The following RYR2 variants were observed in gnomAD, a reference collection of about 807,000 sequenced individuals.
RYR2 encodes cardiac muscle ryanodine receptor-calcium release channel.
In RYR2, 227 loss-of-function variants were observed where a neutral mutation model predicts 601.1. The observed-to-expected ratio is 0.38, with a 90% confidence interval of 0.34 to 0.42. RYR2 has a LOEUF of 0.42. RYR2 is among the 10% of genes least tolerant of loss of function. RYR2 has a pLI of 1.00. For synonymous variants in RYR2, 2,223 were observed against 2,175.1 expected (o/e 1.02, Z -0.61); for missense variants, 4,646 against 6,156.5 (o/e 0.75, Z 8.21).
chr1:237,656,805 T>C (rs1683290116), intron 53 of RYR2, among the ~76,000 whole-genome samples: 2 of 152,220 alleles, frequency 1.3e-5, no homozygotes, highest in Admixed American at 6.5e-5. Flanking sequence ...CTGAGTGGTA[T>C]GCCATTAGTT....
At position 237,711,756 on chromosome 1, in the gene RYR2, A is replaced by G. The variant is rs1472783968; in HGVS notation, c.10242A>G (p.Arg3414=). Residue 3414 remains arginine (R), a synonymous_variant, in exon 71 of 105, where the codon AGA becomes AGG. Coordinates refer to ENST00000366574, the MANE Select transcript of RYR2 (RefSeq NM_001035.3). ...IYWSKSHNFK[R]EEQNFVVQNE... is the part of the protein sequence containing the mutation. ...TTGCAACTTCTCAGAATTTCAAAAG[A>G]GAAGAGCAGAACTTCGTTGTACAGA... 4 of 1,572,484 alleles carry G rather than the reference A, an allele frequency of 2.5e-6. No homozygotes were observed. The highest frequency in any genetic ancestry group is 3.5e-6 in the Non-Finnish European group (4 of 1,147,098).
At chr1:237,449,220 T>G (rs1443304787) in intron 14 of RYR2, among the ~76,000 whole-genome samples, 3 of 152,214 alleles carry the variant, frequency 2.0e-5, no homozygotes, top group African/African-American at 7.2e-5. Flanking sequence ...TCTTACCTCC[T>G]TTTTATTGGT....
intron 1 of RYR2, among the ~76,000 whole-genome samples, chr1:237,173,475 G>T (rs78953083): frequency 0.025 from 3,876 of 152,272 alleles, 62 homozygotes; most frequent in Non-Finnish European, 0.038. Context: ...TGGTCGGAAG[G>T]GCACCTGCAC....
chr1:237,791,877 G>A (rs1238848738), intron 93 of RYR2: 1 of 584,540 alleles, frequency 1.7e-6, no homozygotes, highest in African/African-American at 1.9e-5. Context: ...AGCATGCATT[G>A]GAATCCTCAG....
At chr1:237,607,803 G>C (rs1677312266) in intron 35 of RYR2, among the ~76,000 whole-genome samples, 1 of 152,192 alleles carries the variant, frequency 6.6e-6, no homozygotes, top group Non-Finnish European at 1.5e-5. Flanking sequence ...GGAGTGAATA[G>C]AGTAGATAGT....
At chr1:237,121,804 C>G (rs571724974) in intron 1 of RYR2, among the ~76,000 whole-genome samples, 2 of 152,228 alleles carry the variant, frequency 1.3e-5, no homozygotes, top group East Asian at 3.9e-4. Flanking sequence ...CATCACTATG[C>G]TAGAAGCATT....
chr1:237,205,575 G>T lies in RYR2; in HGVS notation c.49-64922G>T, dbSNP rs559813901. On this transcript the variant is annotated intron_variant, in intron 1 of 104. Transcript: ENST00000366574. ...GGTGAGGGCCACAGAAAGGTCAGAG[G>T]CAGGATGGGGCTGGCACCCAGGCTG... Among the ~76,000 whole-genome samples, 212 of 152,334 alleles carry T rather than the reference G, an allele frequency of 1.4e-3. 1 individual carries two copies. The highest frequency in any genetic ancestry group is 4.9e-3 in the African/African-American group (204 of 41,578).
chr1:237,347,092 A>G (rs1698370877), intron 3 of RYR2, among the ~76,000 whole-genome samples: 1 of 152,096 alleles, frequency 6.6e-6, no homozygotes, highest in African/African-American at 2.4e-5. Context: ...TTTGGGAGGC[A>G]GGAGGATTGC....
At chr1:237,443,969 T>G (rs1243857759) in intron 13 of RYR2, among the ~76,000 whole-genome samples, 1 of 152,202 alleles carries the variant, frequency 6.6e-6, no homozygotes, top group African/African-American at 2.4e-5. Context: ...ACTGGTCAAA[T>G]AGAGTTGGAT....
At chr1:237,786,130 C>T in intron 91 of RYR2, 94 bp downstream of exon 91, 1 of 789,026 alleles carries the variant, frequency 1.3e-6, no homozygotes, top group Non-Finnish European at 2.1e-6. Flanking sequence ...AAGGGAGAAT[C>T]TCATATTGTC....
intron 2 of RYR2, among the ~76,000 whole-genome samples, chr1:237,323,463 G>T (rs77205319): frequency 0.011 from 1,660 of 152,266 alleles, 28 homozygotes; most frequent in African/African-American, 0.037. Flanking sequence ...AGAGAGGTAT[G>T]ATGGAATGGT....
intron 42 of RYR2, among the ~76,000 whole-genome samples, chr1:237,631,923 G>C (rs570814879): frequency 6.6e-6 from 1 of 151,608 alleles, no homozygotes; most frequent in South Asian, 2.1e-4. Flanking sequence ...GTGAGCCACC[G>C]CGCCCAGCCC....
chr1:237,274,751 T>C (rs752032589), intron 2 of RYR2, among the ~76,000 whole-genome samples: 2 of 152,180 alleles, frequency 1.3e-5, no homozygotes, highest in African/African-American at 4.8e-5. Context: ...AGGTGTCCTA[T>C]ATAGGTGTAC....
At chr1:237,323,110 A>T (rs1695792151) in intron 2 of RYR2, among the ~76,000 whole-genome samples, 2 of 152,252 alleles carry the variant, frequency 1.3e-5, no homozygotes, top group South Asian at 2.1e-4. Flanking sequence ...TAATTCTGAC[A>T]TACTTGTTCG....
intron 24 of RYR2, among the ~76,000 whole-genome samples, chr1:237,524,355 C>T (rs1399184337): frequency 6.6e-6 from 1 of 152,072 alleles, no homozygotes; most frequent in African/African-American, 2.4e-5. Flanking sequence ...CCAAAACAGG[C>T]ATATTGATAG....
At chr1:237,758,906 A>G (rs1693177964) in intron 82 of RYR2, among the ~76,000 whole-genome samples, 1 of 152,330 alleles carries the variant, frequency 6.6e-6, no homozygotes, top group South Asian at 2.1e-4. Context: ...TTTTACATGT[A>G]TGTTTAACCA....
intron 1 of RYR2, among the ~76,000 whole-genome samples, chr1:237,135,327 C>G (rs926294498): frequency 2.0e-5 from 3 of 150,812 alleles, no homozygotes; most frequent in South Asian, 4.2e-4. Context: ...GCTACAGATT[C>G]TAAAATCACA....
rs1217031885 is a variant in RYR2, at chr1:237,488,288, A to C, written c.1709-3518A>C. On this transcript the variant is annotated intron_variant, in intron 17 of 104. Coordinates refer to ENST00000366574, the MANE Select transcript of RYR2 (RefSeq NM_001035.3). ...AAATATCACAAACTGGGTGATTTAT[A>C]AACAACAGAAATGTATTTCTCACAG... 2.6e-5 allele frequency among the ~76,000 whole-genome samples: 4 copies of C among 152,214 alleles called. No homozygotes were observed. In the East Asian group the frequency reaches 7.7e-4, roughly 29 times the overall value.
chr1:237,446,545 A>AT (rs1253346026), intron 14 of RYR2, among the ~76,000 whole-genome samples: 19 of 125,602 alleles, frequency 1.5e-4, no homozygotes, highest in African/African-American at 4.0e-4. Flanking sequence ...TGAATTGGTA[A>AT]ATTTTTTTTT....
Sources: gnomAD v4.1 joint callset for allele counts (sites outside exome capture counted in the v4.1 genomes callset) on GRCh38, gnomAD v4.1.1 for gene constraint, MANE v1.5 for transcripts, NCBI Gene and HGNC (gene_info 2026-07-23, HGNC 2026-07-21) for gene names.